The following RBFOX1 variants were observed in gnomAD, a reference collection of about 807,000 sequenced individuals.
The protein encoded by RBFOX1 is RNA binding fox-1 homolog 1.
A neutral mutation model predicts 57.7 loss-of-function variants in RBFOX1; 8 were observed. The ratio of observed to expected loss-of-function variants is 0.14; its 90% CI spans 0.08 to 0.25. The LOEUF is 0.25. RBFOX1 is among the 10% of genes least tolerant of loss of function. The pLI is 1.00. For missense variants in RBFOX1, 611 were observed against 548.5 expected, an observed-to-expected ratio of 1.11 and a Z score of -1.14; for synonymous variants, 326 against 222.4, an observed-to-expected ratio of 1.47 and a Z score of -4.15.
intron 3 of RBFOX1, among the ~76,000 whole-genome samples, chr16:6,863,604 CTTCT>C (rs961422296): frequency 2.7e-4 from 38 of 142,218 alleles, no homozygotes; most frequent in African/African-American, 9.5e-4. Context: ...CCATTTTTAT[CTTCT>C]TTGTCAGAAG....
At chr16:6,172,682 G>C (rs1419870823) in intron 1 of RBFOX1, among the ~76,000 whole-genome samples, 1 of 152,134 alleles carries the variant, frequency 6.6e-6, no homozygotes, top group East Asian at 1.9e-4. Flanking sequence ...AGATGTGTTT[G>C]CTATTCTTCA....
chr16:6,867,226 GA>G (rs376917935), intron 3 of RBFOX1, among the ~76,000 whole-genome samples: 1,896 of 150,682 alleles, frequency 0.013, 22 homozygotes, highest in Non-Finnish European at 0.02. Flanking sequence ...TTCTGTAGGG[GA>G]AAAAAAAATA....
intron 4 of RBFOX1, among the ~76,000 whole-genome samples, chr16:7,158,911 A>G (rs2077706211): frequency 6.6e-6 from 1 of 151,850 alleles, no homozygotes; most frequent in African/African-American, 2.4e-5. Context: ...AATTATTTGT[A>G]TTACAAACAT....
rs1012870688 is a variant in RBFOX1, at chr16:5,962,019, C to T, written c.351+94684C>T. On this transcript the variant is annotated intron_variant, in intron 4 of 19. Transcript: ENST00000641259. ...GAGCCCATCTCTCTCCTTCCAAATC[C>T]GTTATGCATCCATGGCTCCTGTTCT... Among the ~76,000 whole-genome samples the T allele has an allele frequency of 2.3e-4, 35 of 152,174 alleles. 1 individual carries two copies. The highest frequency in any genetic ancestry group is 1.2e-3 in the Admixed American group (18 of 15,276).
chr16:6,868,844 C>T (rs911448728), intron 3 of RBFOX1, among the ~76,000 whole-genome samples: 1 of 152,144 alleles, frequency 6.6e-6, no homozygotes, highest in Admixed American at 6.5e-5. Flanking sequence ...ATATGACTTA[C>T]TTTGACTAAT....
At chr16:6,711,688 T>G (rs754031323) in intron 3 of RBFOX1, among the ~76,000 whole-genome samples, 1 of 152,186 alleles carries the variant, frequency 6.6e-6, no homozygotes, top group Non-Finnish European at 1.5e-5. Context: ...CTTACTTTAT[T>G]AAGTCTCAGG....
At position 7,458,203 on chromosome 16, in the gene RBFOX1, GACCTTGT is replaced by G. The variant is rs1203946610; in HGVS notation, c.28-59943_28-59937del. ...GAGCCATATGCATTACAAAGACAGGGACCTTGTCTCTCTGGAGCCCTAAGTGTGTCCT... is the reference window on the plus strand; with the variant it reads ...GAGCCATATGCATTACAAAGACAGGGCTCTCTGGAGCCCTAAGTGTGTCCT... On this transcript the variant is annotated intron_variant, in intron 4 of 15. Coordinates refer to ENST00000550418, the MANE Select transcript of RBFOX1 (RefSeq NM_018723.4). 9.2e-5 allele frequency among the ~76,000 whole-genome samples: 14 copies of G among 152,238 alleles called. 1 individual carries two copies. The South Asian group carries it at 2.9e-3, about 32-fold the overall frequency.
At chr16:6,535,903 C>T (rs909778623) in intron 2 of RBFOX1, among the ~76,000 whole-genome samples, 12 of 152,184 alleles carry the variant, frequency 7.9e-5, no homozygotes, top group Non-Finnish European at 1.8e-4. Context: ...CTTCCCTTTT[C>T]CTGCAGTCTC....
chr16:7,334,604 C>T (rs1227192922), intron 4 of RBFOX1, among the ~76,000 whole-genome samples: 2 of 152,148 alleles, frequency 1.3e-5, no homozygotes, highest in African/African-American at 2.4e-5. Context: ...GGAAAAATAA[C>T]GGCACCCACT....
At chr16:6,856,534 C>T (rs753956399) in intron 3 of RBFOX1, among the ~76,000 whole-genome samples, 2 of 152,104 alleles carry the variant, frequency 1.3e-5, no homozygotes, top group Non-Finnish European at 2.9e-5. Flanking sequence ...GGAAAATGCT[C>T]CCTCATGAAT....
At position 6,176,300 on chromosome 16, in the gene RBFOX1, C is replaced by G. The variant is rs558346896; in HGVS notation, c.-126-140695C>G. 5.2e-3 allele frequency among the ~76,000 whole-genome samples: 762 copies of G among 147,124 alleles called. 5 individuals are homozygous for G. The highest frequency in any genetic ancestry group is 0.014 in the Middle Eastern group (4 of 292). On this transcript the variant is annotated intron_variant, in intron 1 of 15. Coordinates refer to ENST00000550418, the MANE Select transcript of RBFOX1 (RefSeq NM_018723.4). ...AGCTGGGATTACAGGTGCCCACCGC[C>G]ATGCCTGACCAAATTTTTTTTTTTT...
At chr16:6,842,010 G>T (rs1025616231) in intron 3 of RBFOX1, among the ~76,000 whole-genome samples, 11 of 151,812 alleles carry the variant, frequency 7.2e-5, no homozygotes, top group Non-Finnish European at 1.3e-4. Flanking sequence ...GGGCGTGGTG[G>T]CGGGCGCCTG....
chr16:5,983,329 C>T (rs1287669083), intron 4 of RBFOX1, among the ~76,000 whole-genome samples: 1 of 152,174 alleles, frequency 6.6e-6, no homozygotes, highest in African/African-American at 2.4e-5. Context: ...GAAAATATTC[C>T]CTGACAGCTC....
At chr16:5,964,854 G>C (rs143757731) in intron 4 of RBFOX1, among the ~76,000 whole-genome samples, 551 of 152,052 alleles carry the variant, frequency 3.6e-3, no homozygotes, top group Non-Finnish European at 6.2e-3. Context: ...AATGACCTTA[G>C]AGTTCATTAA....
At chr16:5,586,526 T>C (rs1425370626) in intron 2 of RBFOX1, among the ~76,000 whole-genome samples, 1 of 152,200 alleles carries the variant, frequency 6.6e-6, no homozygotes. Flanking sequence ...CAAGACAGGT[T>C]TCACTCTGTC....
At chr16:7,418,616 T>G (rs994118420) in intron 4 of RBFOX1, among the ~76,000 whole-genome samples, 1 of 152,228 alleles carries the variant, frequency 6.6e-6, no homozygotes, top group African/African-American at 2.4e-5. Context: ...AACTGTTCGT[T>G]GCCACAGAGT....
At chr16:6,996,970 C>G (rs1469722153) in intron 3 of RBFOX1, among the ~76,000 whole-genome samples, 1 of 152,048 alleles carries the variant, frequency 6.6e-6, no homozygotes, top group Non-Finnish European at 1.5e-5. Flanking sequence ...AGTTTATAGG[C>G]AGCATTGAAG....
intron 4 of RBFOX1, among the ~76,000 whole-genome samples, chr16:7,082,616 G>C (rs1001041598): frequency 6.6e-6 from 1 of 152,044 alleles, no homozygotes; most frequent in Non-Finnish European, 1.5e-5. Context: ...ATTCAGTTGA[G>C]TTTATCAAGT....
rs868253547 is a variant in RBFOX1, at chr16:5,292,194, C to T, written c.219+52089C>T. On this transcript the variant is annotated intron_variant, in intron 1 of 2. Transcript: ENST00000585867. ...TCTGTTTAGATGTGCGCCAGTGTTA[C>T]TATAATAGTTTGGTCTCAACCCATT... Among the ~76,000 whole-genome samples the T allele has an allele frequency of 2.6e-5, 4 of 152,270 alleles. No homozygotes were observed. In the South Asian group the frequency reaches 8.3e-4, roughly 32 times the overall value.
Sources: gnomAD v4.1 joint callset for allele counts (sites outside exome capture counted in the v4.1 genomes callset) on GRCh38, gnomAD v4.1.1 for gene constraint, MANE v1.5 for transcripts, NCBI Gene and HGNC (gene_info 2026-07-23, HGNC 2026-07-21) for gene names.